The following SLC16A9 variants were observed in gnomAD, a reference collection of about 807,000 sequenced individuals.
SLC16A9 encodes the protein monocarboxylate transporter 9.
A neutral mutation model predicts 44.3 loss-of-function variants in SLC16A9; 26 were observed. That is an observed-to-expected ratio of 0.59 (90% CI 0.43 to 0.81). The LOEUF is 0.81. Ranked by LOEUF, SLC16A9 falls within the 40% of genes least tolerant of loss-of-function variation. SLC16A9 has a pLI of 0.00. For missense variants in SLC16A9, 559 were observed against 595.8 expected (o/e 0.94, Z 0.64); for synonymous variants, 230 against 225.1 (o/e 1.02, Z -0.19).
intron 4 of SLC16A9, among the ~76,000 whole-genome samples, chr10:59,662,312 G>A (rs188468360): frequency 6.6e-6 from 1 of 151,056 alleles, no homozygotes; most frequent in Non-Finnish European, 1.5e-5. Context: ...CCATCAAAAA[G>A]TGGTGAAGGA....
intron 2 of SLC16A9, among the ~76,000 whole-genome samples, chr10:59,676,738 C>A (rs1250573600): frequency 2.0e-5 from 3 of 152,028 alleles, no homozygotes; most frequent in African/African-American, 7.2e-5. Flanking sequence ...GGTTGGCCAA[C>A]ATGGCGAAAC....
Position 59,685,685 on chromosome 10 carries a change from A to C in SLC16A9, c.-36-1358T>G, listed in dbSNP as rs12252781. 1.6e-3 allele frequency among the ~76,000 whole-genome samples: 240 copies of C among 152,340 alleles called. 1 individual carries two copies. Among genetic ancestry groups the C allele is most frequent in the African/African-American group, 5.6e-3 (233 of 41,566 alleles). On this transcript the variant is annotated intron_variant, in intron 1 of 5. Coordinates refer to ENST00000395348, the MANE Select transcript of SLC16A9 (RefSeq NM_194298.3). ...TAATGGAAAACAATGTGCAGTGAAA[A>C]ACCTTACATATTCATATATCTTTTT...
At chr10:59,670,236 C>T (rs187451037) in intron 3 of SLC16A9, among the ~76,000 whole-genome samples, 33 of 152,206 alleles carry the variant, frequency 2.2e-4, no homozygotes, top group Admixed American at 2.0e-3. Context: ...TAAACATTAT[C>T]TCATGAATAG....
At position 59,684,266 on chromosome 10, in the gene SLC16A9, C is replaced by T; in HGVS notation, c.26G>A (p.Gly9Asp). Reference sequence around the variant, plus strand: ...AAACACAATCACCCAGCCCCATCCACCGTCAGGCGACTTTTTAAGTTCCAT... The same window carrying T: ...AAACACAATCACCCAGCCCCATCCATCGTCAGGCGACTTTTTAAGTTCCAT... MELKKSPD[G>D]GWGWVIVFVS... The change falls in exon 2 of 6, where the codon GGT becomes GAT. Residue 9 changes from glycine (G) to aspartate (D), a missense_variant. Physicochemically the swap from Gly to Asp is moderately conservative, Grantham distance 94. Transcript: ENST00000395348. 6.2e-7 allele frequency: 1 copy of T among 1,613,274 alleles called. No individual in the cohort carries two copies. Among genetic ancestry groups the T allele is most frequent in the Non-Finnish European group, 8.5e-7 (1 of 1,179,734 alleles).
chr10:59,672,849 G>A lies in SLC16A9; in HGVS notation c.261C>T (p.Phe87=). The change falls in exon 3 of 6, where the codon TTC becomes TTT. Residue 87 remains phenylalanine, a synonymous_variant. Transcript: ENST00000395348. The part of the protein sequence containing the change: ...GARPVTIFSG[F]MVAGGLMLSS... Reference sequence around the variant, plus strand: ...TCAACATCAGGCCTCCAGCCACCATGAAGCCACTGAAGATTGTGACAGGTC... The same window carrying A: ...TCAACATCAGGCCTCCAGCCACCATAAAGCCACTGAAGATTGTGACAGGTC... 3.7e-6 allele frequency: 6 copies of A among 1,613,826 alleles called. No individual in the cohort carries two copies. The highest frequency in any genetic ancestry group is 5.1e-6 in the Non-Finnish European group (6 of 1,179,844).
intron 1 of SLC16A9, among the ~76,000 whole-genome samples, chr10:59,687,443 T>C (rs1644339874): frequency 6.6e-6 from 1 of 152,208 alleles, no homozygotes; most frequent in African/African-American, 2.4e-5. Flanking sequence ...ATTTCCAGTG[T>C]ATAGGAAGAT....
intron 2 of SLC16A9, among the ~76,000 whole-genome samples, chr10:59,675,905 G>C (rs1839848829): frequency 6.6e-6 from 1 of 152,206 alleles, no homozygotes; most frequent in Non-Finnish European, 1.5e-5. Flanking sequence ...CCTCTTCCAA[G>C]TGTAAATACT....
chr10:59,704,250 C>T (rs189106536), intron 1 of SLC16A9, among the ~76,000 whole-genome samples: 1 of 152,262 alleles, frequency 6.6e-6, no homozygotes, highest in Admixed American at 6.5e-5. Flanking sequence ...TTAGTTTCAC[C>T]TGTGCTATCC....
chr10:59,700,165 G>C (rs1303758073), intron 1 of SLC16A9, among the ~76,000 whole-genome samples: 2 of 152,178 alleles, frequency 1.3e-5, no homozygotes, highest in African/African-American at 4.8e-5. Context: ...AAGAAGCACT[G>C]AAGTCCAAAC....
intron 4 of SLC16A9, among the ~76,000 whole-genome samples, chr10:59,656,853 G>A (rs534188839): frequency 1.3e-5 from 2 of 152,258 alleles, no homozygotes; most frequent in South Asian, 2.1e-4. Flanking sequence ...ATTGTAAAGG[G>A]TTAAGTGAAA....
At chr10:59,666,510 G>A (rs1839621990) in intron 3 of SLC16A9, among the ~76,000 whole-genome samples, 1 of 151,952 alleles carries the variant, frequency 6.6e-6, no homozygotes, top group Non-Finnish European at 1.5e-5. Flanking sequence ...TATGCTGATG[G>A]TGCAAAAGAG....
intron 3 of SLC16A9, 141 bp downstream of exon 3, chr10:59,672,628 GT>G: frequency 2.3e-6 from 2 of 867,116 alleles, no homozygotes; most frequent in South Asian, 2.1e-5. Flanking sequence ...TAAAGCAACA[GT>G]TTTTGGAGAA....
At chr10:59,697,969 AAAAAC>A in intron 1 of SLC16A9, among the ~76,000 whole-genome samples, 1 of 149,866 alleles carries the variant, frequency 6.7e-6, no homozygotes, top group African/African-American at 2.4e-5. Context: ...CAGTAAAAAA[AAAAAC>A]AAAAAACAAA....
At chr10:59,669,567 T>TATA (rs1445726562) in intron 3 of SLC16A9, among the ~76,000 whole-genome samples, 1 of 152,216 alleles carries the variant, frequency 6.6e-6, no homozygotes, top group Non-Finnish European at 1.5e-5. Context: ...CCAGGTACAG[T>TATA]GGCTCACGCC....
chr10:59,686,520 G>GTATTGTATT (rs1352992005), intron 1 of SLC16A9, among the ~76,000 whole-genome samples: 1 of 152,114 alleles, frequency 6.6e-6, no homozygotes, highest in East Asian at 1.9e-4. Context: ...ATATTTCATT[G>GTATTGTATT]TATTGTATTT....
At position 59,677,063 on chromosome 10, in the gene SLC16A9, T is replaced by TCACACACACA. The variant is rs57206841; in HGVS notation, c.197-4160_197-4151dup. 6.8e-3 allele frequency among the ~76,000 whole-genome samples: 1,011 copies of TCACACACACA among 149,204 alleles called. 10 individuals are homozygous for TCACACACACA. Among genetic ancestry groups the TCACACACACA allele is most frequent in the East Asian group, 0.017 (84 of 5,040 alleles). ...AGACAGTAAGAAGATAATAGGAACT[T>TCACACACACA]CACACACACACACACACTCATACAT... On this transcript the variant is annotated intron_variant, in intron 2 of 5. Coordinates refer to ENST00000395348, the MANE Select transcript of SLC16A9 (RefSeq NM_194298.3).
chr10:59,670,581 A>T (rs1195951583), intron 3 of SLC16A9, among the ~76,000 whole-genome samples: 1 of 152,222 alleles, frequency 6.6e-6, no homozygotes, highest in Non-Finnish European at 1.5e-5. Context: ...GTCTAGCTAA[A>T]GAGGCCATCT....
At chr10:59,688,456 A>G (rs1313200334) in intron 1 of SLC16A9, among the ~76,000 whole-genome samples, 1 of 152,190 alleles carries the variant, frequency 6.6e-6, no homozygotes, top group African/African-American at 2.4e-5. Context: ...ACAAAACTGT[A>G]GGTATAAAAT....
At chr10:59,658,523 C>T (rs957531329) in intron 4 of SLC16A9, among the ~76,000 whole-genome samples, 1 of 152,192 alleles carries the variant, frequency 6.6e-6, no homozygotes. Context: ...CAAAACTAGA[C>T]AGTGTGGATC....
Sources: gnomAD v4.1 joint callset for allele counts (sites outside exome capture counted in the v4.1 genomes callset) on GRCh38, gnomAD v4.1.1 for gene constraint, MANE v1.5 for transcripts, NCBI Gene and HGNC (gene_info 2026-07-23, HGNC 2026-07-21) for gene names.